The following CANX variants were observed in gnomAD, a reference collection of about 807,000 sequenced individuals.
CANX encodes the protein epididymis secretory sperm binding protein.
In CANX, 14 loss-of-function variants were observed where a neutral mutation model predicts 75.7. That is an observed-to-expected ratio of 0.19 (90% CI 0.12 to 0.29). The LOEUF (loss-of-function observed/expected upper bound fraction) is 0.29, where lower values mean the gene tolerates loss of function less well. Ranked by LOEUF, CANX falls within the 10% of genes least tolerant of loss-of-function variation. CANX has a pLI of 1.00. For synonymous variants in CANX, 227 were observed against 236.9 expected, an observed-to-expected ratio of 0.96 and a Z score of 0.38; for missense variants, 567 against 713.2, an observed-to-expected ratio of 0.79 and a Z score of 2.34.
chr5:179,698,454 C>T (rs776263764), upstream of CANX: 6 of 1,288,496 alleles, frequency 4.7e-6, no homozygotes, highest in African/African-American at 4.5e-5. Context: ...GCGCTGGGTT[C>T]TGCTCACGCC....
At chr5:179,707,583 C>CAA (rs1200030925) in intron 4 of CANX, among the ~76,000 whole-genome samples, 1,258 of 56,982 alleles carry the variant, frequency 0.022, 35 homozygotes, top group Non-Finnish European at 0.032. Context: ...GACTCCGTCT[C>CAA]AAAAAAAAAA....
intron 7 of CANX, among the ~76,000 whole-genome samples, chr5:179,711,836 G>A (rs1456812924): frequency 6.7e-6 from 1 of 149,556 alleles, no homozygotes; most frequent in Non-Finnish European, 1.5e-5. Context: ...GGTGGCTCAT[G>A]CCTGTAATCC....
rs1776547953 is a variant in CANX at position 179,699,108 on chromosome 5, A to G, written c.-4+6A>G. ...CGGTCCCCGGGAGGCTAGAGGTGAG[A>G]GGGGAGACCTGAGCGCGTCCTCGGG... On this transcript the variant is annotated splice_donor_region_variant and intron_variant, in intron 1 of 14. Coordinates refer to ENST00000247461, the MANE Select transcript of CANX (RefSeq NM_001746.4). The G allele has an allele frequency of 1.9e-6, 2 of 1,047,272 alleles. No individual in the cohort carries two copies. Among genetic ancestry groups the G allele is most frequent in the African/African-American group, 1.7e-5 (1 of 57,450 alleles). 64.9% of individuals were successfully genotyped at this position (1,047,272 alleles called of 1,614,324 possible). A position where few individuals can be genotyped will look rare whatever the true frequency, so the allele number is the denominator to read the frequency against.
chr5:179,712,186 G>A (rs888797616), intron 7 of CANX, among the ~76,000 whole-genome samples: 1 of 147,086 alleles, frequency 6.8e-6, no homozygotes, highest in African/African-American at 2.5e-5. Context: ...TGTTGTTGTT[G>A]AGAAATGTTG....
rs1444176917 is a variant in CANX, at chr5:179,699,109, G to A, written c.-4+7G>A. 3.8e-6 allele frequency: 4 copies of A among 1,048,760 alleles called. No homozygotes were observed. The highest frequency in any genetic ancestry group is 3.2e-4 in the Middle Eastern group (1 of 3,102). 65.0% of individuals were successfully genotyped at this position (1,048,760 alleles called of 1,614,324 possible). A position where few individuals can be genotyped will look rare whatever the true frequency, so the allele number is the denominator to read the frequency against. On this transcript the variant is annotated splice_region_variant and intron_variant, in intron 1 of 14. Coordinates refer to ENST00000247461, the MANE Select transcript of CANX (RefSeq NM_001746.4). ...GGTCCCCGGGAGGCTAGAGGTGAGA[G>A]GGGAGACCTGAGCGCGTCCTCGGGC... is the stretch of plus-strand genomic sequence containing the variant.
chr5:179,715,452 C>A (rs928282615), intron 7 of CANX, among the ~76,000 whole-genome samples: 1 of 152,076 alleles, frequency 6.6e-6, no homozygotes, highest in African/African-American at 2.4e-5. Flanking sequence ...GCAGGAGAAT[C>A]GCTTGAACCT....
chr5:179,706,611 T>TTG (rs1046642686), intron 3 of CANX, among the ~76,000 whole-genome samples: 1 of 151,862 alleles, frequency 6.6e-6, no homozygotes, highest in Non-Finnish European at 1.5e-5. Context: ...GCTGGCTAAT[T>TTG]TGTGTGTGTG....
chr5:179,706,092 T>C (rs1052081399), intron 2 of CANX, among the ~76,000 whole-genome samples, 166 bp from the exon 3 acceptor site: 1 of 152,232 alleles, frequency 6.6e-6, no homozygotes, highest in African/African-American at 2.4e-5. Context: ...CTTATTGATC[T>C]CTCTGGCAGC....
intron 4 of CANX, among the ~76,000 whole-genome samples, chr5:179,707,997 C>T (rs192825207): frequency 1.1e-4 from 16 of 152,080 alleles, no homozygotes; most frequent in South Asian, 2.1e-4. Flanking sequence ...TCACCACGCC[C>T]GGCTAATTTT....
intron 1 of CANX, among the ~76,000 whole-genome samples, chr5:179,689,378 A>AGTTTTT (rs1334273547): frequency 4.1e-5 from 4 of 98,234 alleles, no homozygotes; most frequent in Admixed American, 1.1e-4. Context: ...AAACCCAACA[A>AGTTTTT]GTTTTTTTTT....
At chr5:179,691,772 A>T (rs1475369491) in intron 1 of CANX, among the ~76,000 whole-genome samples, 1 of 151,770 alleles carries the variant, frequency 6.6e-6, no homozygotes, top group Non-Finnish European at 1.5e-5. Flanking sequence ...TATTTATTTT[A>T]TTTAATTAAT....
intron 12 of CANX, among the ~76,000 whole-genome samples, chr5:179,724,139 C>G (rs1336910252): frequency 1.3e-5 from 2 of 152,120 alleles, no homozygotes; most frequent in Non-Finnish European, 2.9e-5. Context: ...GTAATTCAGT[C>G]TTTGATTCCT....
intron 10 of CANX, 145 bp from the exon 11 acceptor site, chr5:179,722,659 A>G: frequency 3.2e-6 from 2 of 617,040 alleles, no homozygotes; most frequent in South Asian, 4.0e-5. Flanking sequence ...AGCATTTGTT[A>G]TTTATTTTCC....
chr5:179,723,569 G>A, intron 11 of CANX, 91 bp from the exon 12 acceptor site: 1 of 1,338,576 alleles, frequency 7.5e-7, no homozygotes, highest in South Asian at 1.3e-5. Context: ...CCTGCGTAGT[G>A]CCATGCCATA....
intron 14 of CANX, among the ~76,000 whole-genome samples, chr5:179,728,134 G>A (rs1366831697): frequency 6.6e-6 from 1 of 152,218 alleles, no homozygotes; most frequent in Non-Finnish European, 1.5e-5. Flanking sequence ...TTTAAAAAAA[G>A]GGAATATTTT....
At chr5:179,717,160 C>T (rs1324914292) in intron 8 of CANX, among the ~76,000 whole-genome samples, 1 of 152,122 alleles carries the variant, frequency 6.6e-6, no homozygotes, top group Non-Finnish European at 1.5e-5. Flanking sequence ...AAAATATCCT[C>T]CTATGCTTAG....
intron 5 of CANX, 36 bp from the exon 6 acceptor site, chr5:179,708,942 T>C (rs1777336765): frequency 9.5e-7 from 1 of 1,050,528 alleles, no homozygotes; most frequent in African/African-American, 1.6e-5. Context: ...TCTTTCAAAA[T>C]GCCATACAGT....
At chr5:179,679,342 T>C in intron 1 of CANX, 1 of 1,248,588 alleles carries the variant, frequency 8.0e-7, no homozygotes, top group Non-Finnish European at 1.1e-6. Context: ...CGGACATGTC[T>C]TAGCCCTGCA....
At chr5:179,692,895 C>T (rs1234065401) in intron 1 of CANX, among the ~76,000 whole-genome samples, 1 of 152,066 alleles carries the variant, frequency 6.6e-6, no homozygotes, top group African/African-American at 2.4e-5. Context: ...GCCTGTAATC[C>T]CAGCACTTTG....
Sources: allele counts gnomAD v4.1 joint callset (sites outside exome capture counted in the v4.1 genomes callset), GRCh38; gene constraint gnomAD v4.1.1; transcripts MANE v1.5; gene names NCBI Gene and HGNC (gene_info 2026-07-23, HGNC 2026-07-21).